Variants in SHQ1 observed in about 807,000 individuals in gnomAD.
SHQ1 encodes protein SHQ1 homolog.
SHQ1 carries 49 observed loss-of-function variants against 53.8 expected under a neutral mutation model. That is an observed-to-expected ratio of 0.91 (90% CI 0.72 to 1.16). SHQ1 has a LOEUF of 1.16. Ranked by LOEUF, SHQ1 falls within the 50% of genes most tolerant of loss-of-function variation. SHQ1 has a pLI of 0.00. For missense variants in SHQ1, 738 were observed against 683.1 expected, an observed-to-expected ratio of 1.08 and a Z score of -0.90; for synonymous variants, 243 against 251.0, an observed-to-expected ratio of 0.97 and a Z score of 0.30.
rs762740196 is a variant in SHQ1 at position 72,750,614 on chromosome 3, G to A, written c.1404C>T (p.Asn468=). 3.6e-5 allele frequency: 58 copies of A among 1,614,184 alleles called. 1 individual carries two copies. In the South Asian group the frequency reaches 4.8e-4, roughly 13 times the overall value. Residue 468 remains asparagine, a synonymous_variant, in exon 11 of 11, where the codon AAC becomes AAT. Transcript: ENST00000325599. ...GTTCTGAATCTGAGCCTGAGTCTTC[G>A]TTTCCAGATGACACGCTGCTGTCTG... The part of the protein sequence containing the change: ...EDSDSSVSSG[N]EDSGSDSEQD...
chr3:72,781,785 A>G (rs889460290), intron 10 of SHQ1, among the ~76,000 whole-genome samples: 24 of 150,980 alleles, frequency 1.6e-4, no homozygotes, highest in African/African-American at 2.4e-5. Flanking sequence ...TCACATCACT[A>G]AAAAAAAAGG....
intron 6 of SHQ1, among the ~76,000 whole-genome samples, chr3:72,822,054 C>T (rs991206526): frequency 6.6e-6 from 1 of 152,190 alleles, no homozygotes; most frequent in Non-Finnish European, 1.5e-5. Flanking sequence ...ATTTTAAATA[C>T]ATCGTTTCAT....
chr3:72,827,997 C>A (rs1391567439), intron 5 of SHQ1, among the ~76,000 whole-genome samples: 1 of 151,832 alleles, frequency 6.6e-6, no homozygotes, highest in Non-Finnish European at 1.5e-5. Flanking sequence ...CCTCATGACC[C>A]ACCCCCTCAG....
downstream of SHQ1, among the ~76,000 whole-genome samples, chr3:72,748,998 C>CAG (rs1407641034): frequency 1.3e-5 from 2 of 148,580 alleles, no homozygotes; most frequent in African/African-American, 5.1e-5. Context: ...CACACACACA[C>CAG]AGGCAGAAGA....
the SHQ1 span, among the ~76,000 whole-genome samples, chr3:72,737,988 G>A: frequency 3.9e-5 from 6 of 152,078 alleles, no homozygotes; most frequent in African/African-American, 1.4e-4. Context: ...GTGTCTTTCC[G>A]TGGGTTGCCC....
chr3:72,816,149 CA>C (rs1707309568), intron 7 of SHQ1, among the ~76,000 whole-genome samples: 2 of 151,928 alleles, frequency 1.3e-5, no homozygotes, highest in South Asian at 4.1e-4. Flanking sequence ...AGAATCATGA[CA>C]ACAAAAAAAA....
chr3:72,763,502 G>A (rs1236331524), intron 10 of SHQ1, among the ~76,000 whole-genome samples: 2 of 152,194 alleles, frequency 1.3e-5, no homozygotes, highest in South Asian at 2.1e-4. Context: ...CTGTGTCCCT[G>A]ACAAAGATGT....
intron 9 of SHQ1, among the ~76,000 whole-genome samples, chr3:72,804,641 T>A (rs1706886050): frequency 6.6e-6 from 1 of 152,240 alleles, no homozygotes; most frequent in Admixed American, 6.5e-5. Context: ...GATTCATGTC[T>A]GCTGAATAAA....
intron 4 of SHQ1, among the ~76,000 whole-genome samples, chr3:72,840,302 G>A (rs1264836160): frequency 6.7e-6 from 1 of 148,796 alleles, no homozygotes; most frequent in African/African-American, 2.5e-5. Flanking sequence ...AGTGGCTCAT[G>A]CCTATAATCC....
At chr3:72,800,043 G>C (rs1706738029) in intron 9 of SHQ1, among the ~76,000 whole-genome samples, 1 of 152,162 alleles carries the variant, frequency 6.6e-6, no homozygotes, top group South Asian at 2.1e-4. Context: ...AATCCCCAAT[G>C]CAACAGTGTT....
rs947352359 is a variant in SHQ1, at chr3:72,775,511, A to T, written c.1181+17405T>A. 2.7e-5 allele frequency among the ~76,000 whole-genome samples: 4 copies of T among 146,040 alleles called. No homozygotes were observed. In the Admixed American group the frequency reaches 2.8e-4, roughly 10 times the overall value. Reference sequence around the variant, plus strand: ...CTACTGAAGGTTCAAGGAATGTATCATTTCAATATTACGTGCACTGTTTCA... The same window carrying T: ...CTACTGAAGGTTCAAGGAATGTATCTTTTCAATATTACGTGCACTGTTTCA... On this transcript the variant is annotated intron_variant, in intron 10 of 10. Coordinates refer to ENST00000325599, the MANE Select transcript of SHQ1 (RefSeq NM_018130.3).
intron 7 of SHQ1, 44 bp downstream of exon 7, chr3:72,817,186 C>G (rs766644668): frequency 6.3e-7 from 1 of 1,579,426 alleles, no homozygotes; most frequent in Admixed American, 1.8e-5. Flanking sequence ...GCAGTTTACT[C>G]AGCACAGTCA....
intron 10 of SHQ1, among the ~76,000 whole-genome samples, chr3:72,782,427 A>G (rs1706097097): frequency 6.6e-6 from 1 of 152,230 alleles, no homozygotes; most frequent in South Asian, 2.1e-4. Context: ...ATATACCTCA[A>G]GAAGGTCCTT....
At chr3:72,747,644 G>A (rs959275845), downstream of SHQ1, among the ~76,000 whole-genome samples, 3 of 152,168 alleles carry the variant, frequency 2.0e-5, no homozygotes, top group Non-Finnish European at 4.4e-5. Flanking sequence ...CACAGAGAAC[G>A]CTGGATATCT....
chr3:72,788,700 T>C (rs943874495), intron 10 of SHQ1, among the ~76,000 whole-genome samples: 12 of 152,282 alleles, frequency 7.9e-5, no homozygotes, highest in East Asian at 1.9e-4. Context: ...TAGAAAGAAG[T>C]AGACATAGGA....
chr3:72,824,279 G>A (rs1707576267), intron 6 of SHQ1, 145 bp downstream of exon 6: 5 of 959,148 alleles, frequency 5.2e-6, no homozygotes, highest in Non-Finnish European at 7.4e-6. Flanking sequence ...GGGCAAAGAA[G>A]TCATTTCCAA....
At chr3:72,766,953 A>C (rs1705744451) in intron 10 of SHQ1, among the ~76,000 whole-genome samples, 1 of 152,204 alleles carries the variant, frequency 6.6e-6, no homozygotes, top group South Asian at 2.1e-4. Flanking sequence ...ACTATACCTT[A>C]AATTGTATTT....
intron 10 of SHQ1, among the ~76,000 whole-genome samples, chr3:72,783,531 C>G (rs944108833): frequency 6.6e-6 from 1 of 151,998 alleles, no homozygotes; most frequent in Non-Finnish European, 1.5e-5. Context: ...CCAAGCTGGT[C>G]TCGAACTCCT....
chr3:72,748,965 GCACA>G (rs1553687832), downstream of SHQ1, among the ~76,000 whole-genome samples: 3 of 125,654 alleles, frequency 2.4e-5, no homozygotes, highest in Non-Finnish European at 1.6e-5. Context: ...AAACACACAC[GCACA>G]CGCACACACA....
Sources: allele counts gnomAD v4.1 joint callset (sites outside exome capture counted in the v4.1 genomes callset), GRCh38; gene constraint gnomAD v4.1.1; transcripts MANE v1.5; gene names NCBI Gene and HGNC (gene_info 2026-07-23, HGNC 2026-07-21).